Variants in TMED7 observed in about 807,000 individuals in gnomAD.
TMED7 encodes transmembrane emp24 domain-containing protein 7.
In TMED7, 8 loss-of-function variants were observed where a neutral mutation model predicts 23.4. That is an observed-to-expected ratio of 0.34 (90% CI 0.20 to 0.62). TMED7 has a LOEUF of 0.62. Among genes scored for constraint, TMED7 ranks in the 20% least tolerant of loss-of-function variants. The pLI is 0.77. For missense variants in TMED7, 232 were observed against 279.1 expected, an observed-to-expected ratio of 0.83 and a Z score of 1.20; for synonymous variants, 121 against 108.5, an observed-to-expected ratio of 1.12 and a Z score of -0.72.
chr5:115,619,204 T>C (rs903067016), intron 2 of TMED7: 1 of 152,170 alleles, frequency 6.6e-6, no homozygotes, highest in Non-Finnish European at 1.5e-5. Context: ...GTTAAGGTAA[T>C]GGCCCCAAAG....
At chr5:115,625,239 A>C (rs895036774) in intron 1 of TMED7, among the ~76,000 whole-genome samples, 1 of 152,238 alleles carries the variant, frequency 6.6e-6, no homozygotes, top group Admixed American at 6.5e-5. Flanking sequence ...AGCACTCCAA[A>C]TCCAATTAAA....
intron 1 of TMED7, among the ~76,000 whole-genome samples, chr5:115,621,379 A>G (rs1378175938): frequency 1.3e-5 from 2 of 152,222 alleles, no homozygotes; most frequent in South Asian, 4.1e-4. Context: ...ATAATCATTT[A>G]CAACCTTGTT....
At chr5:115,621,067 C>T (rs1276254036) in intron 1 of TMED7, among the ~76,000 whole-genome samples, 1 of 152,098 alleles carries the variant, frequency 6.6e-6, no homozygotes, top group Non-Finnish European at 1.5e-5. Context: ...ACTTGAACTC[C>T]AAAGTCATAT....
At chr5:115,624,751 T>G (rs1289939379) in intron 1 of TMED7, among the ~76,000 whole-genome samples, 1 of 152,236 alleles carries the variant, frequency 6.6e-6, no homozygotes, top group African/African-American at 2.4e-5. Flanking sequence ...CCAAGGTGTT[T>G]ATAGCTCATC....
At position 115,624,386 on chromosome 5, in the gene TMED7, C is replaced by T. The variant is rs115159236; in HGVS notation, c.192+1215G>A. Among the ~76,000 whole-genome samples, 961 of 152,250 alleles carry T rather than the reference C, an allele frequency of 6.3e-3. 12 individuals are homozygous for T. Among genetic ancestry groups the T allele is most frequent in the African/African-American group, 0.022 (913 of 41,538 alleles). ...CACTTTTCATTTACCCCACTGCTAT[C>T]ACTCTACTCTAAGCCACTATCATTT... On this transcript the variant is annotated intron_variant, in intron 1 of 2. Transcript: ENST00000456936.
chr5:115,616,550 C>G, intron 2 of TMED7, 105 bp from the exon 3 acceptor site: 23 of 1,509,642 alleles, frequency 1.5e-5, no homozygotes, highest in Non-Finnish European at 2.1e-5. Context: ...TTTTGACTAA[C>G]ATGCTACTAA....
rs1255152519 is a variant in TMED7 at position 115,615,912 on chromosome 5, T to C, written c.*297A>G. ...AGTAGTCTTAAATGGTTAAAAGGAATCAAAATACCAAAGTTTAGTGTGCGA... is the reference window on the plus strand; with the variant it reads ...AGTAGTCTTAAATGGTTAAAAGGAACCAAAATACCAAAGTTTAGTGTGCGA... On this transcript the variant is annotated 3_prime_UTR_variant, in exon 3 of 3. Transcript: ENST00000456936. The C allele has an allele frequency of 6.0e-6, 2 of 335,600 alleles. No homozygotes were observed. Among genetic ancestry groups the C allele is most frequent in the East Asian group, 1.1e-4 (2 of 17,498 alleles). The allele number at this position is 335,600 out of a possible 1,614,324, so 20.8% of individuals were successfully genotyped here. A position where few individuals can be genotyped will look rare whatever the true frequency, so the allele number is the denominator to read the frequency against.
At chr5:115,622,950 A>C (rs563523055) in intron 1 of TMED7, among the ~76,000 whole-genome samples, 2 of 152,346 alleles carry the variant, frequency 1.3e-5, no homozygotes, top group South Asian at 4.1e-4. Context: ...CAGTGTTTGC[A>C]AATCTACAGT....
intron 1 of TMED7, among the ~76,000 whole-genome samples, chr5:115,622,298 A>G (rs1757057910): frequency 6.6e-6 from 1 of 152,122 alleles, no homozygotes; most frequent in Non-Finnish European, 1.5e-5. Flanking sequence ...CCAATCACCT[A>G]CTATTGAAAC....
At chr5:115,623,849 G>C (rs987007877) in intron 1 of TMED7, among the ~76,000 whole-genome samples, 7 of 152,178 alleles carry the variant, frequency 4.6e-5, no homozygotes, top group South Asian at 2.1e-4. Context: ...ATATATGTCT[G>C]TGTAAGCTCT....
intron 1 of TMED7, 54 bp downstream of exon 1, chr5:115,625,537 TCAAGTTACAC>T: frequency 7.1e-7 from 1 of 1,416,604 alleles, no homozygotes; most frequent in Non-Finnish European, 9.3e-7. Flanking sequence ...GTGCCATCCC[TCAAGTTACAC>T]CCCCAATCCT....
intron 1 of TMED7, among the ~76,000 whole-genome samples, chr5:115,623,963 G>A (rs1757119630): frequency 6.6e-6 from 1 of 152,112 alleles, no homozygotes; most frequent in Admixed American, 6.5e-5. Context: ...TATGCCCTTG[G>A]TTCTTAGCCT....
At position 115,621,638 on chromosome 5, in the gene TMED7, T is replaced by A. The variant is rs531520629; in HGVS notation, c.193-958A>T. On this transcript the variant is annotated intron_variant, in intron 1 of 2. Transcript: ENST00000456936. ...TGGGTTGTACAGAGGAGGGAGAGATTTTTCCTGCGGTAACTGGATAAGTAT... is the reference window on the plus strand; with the variant it reads ...TGGGTTGTACAGAGGAGGGAGAGATATTTCCTGCGGTAACTGGATAAGTAT... Among the ~76,000 whole-genome samples the A allele has an allele frequency of 1.1e-3, 160 of 152,212 alleles. 2 individuals carry two copies. Among genetic ancestry groups the A allele is most frequent in the African/African-American group, 3.8e-3 (156 of 41,530 alleles).
chr5:115,620,141 C>T (rs1756973214), intron 2 of TMED7: 1 of 231,896 alleles, frequency 4.3e-6, no homozygotes, highest in Admixed American at 5.8e-5. Context: ...GATTGGAACA[C>T]TGCTCAGCCT....
rs400570 is a variant in TMED7 at position 115,615,856 on chromosome 5, A to G, written c.*353T>C. 143,238 of 247,200 alleles carry G rather than the reference A, an allele frequency of 0.58. 42,479 individuals are homozygous for G. The highest frequency in any genetic ancestry group is 0.72 in the African/African-American group (31,924 of 44,340). The allele number at this position is 247,200 out of a possible 1,614,324, so 15.3% of individuals were successfully genotyped here. A position where few individuals can be genotyped will look rare whatever the true frequency, so the allele number is the denominator to read the frequency against. ...TAACACATGTAGACATTAAATCTAAAGTTTTTAAAATATCAACTACCTATA... is the reference window on the plus strand; with the variant it reads ...TAACACATGTAGACATTAAATCTAAGGTTTTTAAAATATCAACTACCTATA... On this transcript the variant is annotated 3_prime_UTR_variant, in exon 3 of 3. Coordinates refer to ENST00000456936, the MANE Select transcript of TMED7 (RefSeq NM_181836.6).
intron 1 of TMED7, 127 bp downstream of exon 1, chr5:115,625,474 A>T (rs1455795242): frequency 8.7e-7 from 1 of 1,145,372 alleles, no homozygotes; most frequent in Non-Finnish European, 1.2e-6. Flanking sequence ...GGCATCAGCT[A>T]CCTAGAAGCG....
chr5:115,619,713 T>G (rs1756951962), intron 2 of TMED7, among the ~76,000 whole-genome samples: 1 of 152,156 alleles, frequency 6.6e-6, no homozygotes, highest in Non-Finnish European at 1.5e-5. Context: ...TGTCATGAGA[T>G]CAGATGTAAC....
In TMED7 at chr5:115,620,627, A is replaced by T; in HGVS notation, c.246T>A (p.Gly82=). The T allele has an allele frequency of 6.3e-7, 1 of 1,582,214 alleles. No individual in the cohort carries two copies. The highest frequency in any genetic ancestry group is 8.6e-7 in the Non-Finnish European group (1 of 1,165,440). ...TCTTCATCTCTTTGTATAACACTTT[A>T]CCATCAGGATCTTCTAATCGACAAT... ...DVDCRLEDPD[G]KVLYKEMKKQ... The change falls in exon 2 of 3, where the codon GGT becomes GGA. Residue 82 remains glycine (G), a synonymous_variant. Coordinates refer to ENST00000456936, the MANE Select transcript of TMED7 (RefSeq NM_181836.6).
intron 1 of TMED7, among the ~76,000 whole-genome samples, chr5:115,622,460 A>G (rs570136445): frequency 6.6e-6 from 1 of 152,254 alleles, no homozygotes; most frequent in South Asian, 2.1e-4. Flanking sequence ...CCACTACCCA[A>G]TATCTTCTCC....
Sources: allele counts gnomAD v4.1 joint callset (sites outside exome capture counted in the v4.1 genomes callset), GRCh38; gene constraint gnomAD v4.1.1; transcripts MANE v1.5; gene names NCBI Gene and HGNC (gene_info 2026-07-23, HGNC 2026-07-21).